GHR: variants seen among roughly 807,000 people sequenced by gnomAD.
GHR encodes GH receptor.
A neutral mutation model predicts 67.1 loss-of-function variants in GHR; 35 were observed. The ratio of observed to expected loss-of-function variants is 0.52; its 90% confidence interval spans 0.40 to 0.69. The LOEUF (loss-of-function observed/expected upper bound fraction) is 0.69. Among genes scored for constraint, GHR ranks in the 30% least tolerant of loss-of-function variants. The pLI is 0.00. For missense variants in GHR, 792 were observed against 764.6 expected (o/e 1.04, Z -0.42); for synonymous variants, 272 against 269.1 (o/e 1.01, Z -0.10).
intron 1 of GHR, among the ~76,000 whole-genome samples, chr5:42,486,279 C>T (rs1745875166): frequency 1.3e-5 from 2 of 152,168 alleles, no homozygotes; most frequent in South Asian, 2.1e-4. Context: ...ACCCTCTCAC[C>T]ACGAGCTTTT....
intron 1 of GHR, among the ~76,000 whole-genome samples, chr5:42,534,208 A>ATG (rs1231403248): frequency 1.1e-4 from 9 of 80,510 alleles, no homozygotes; most frequent in African/African-American, 5.4e-4. Flanking sequence ...GTATATATGT[A>ATG]TATATGTATA....
At chr5:42,427,184 G>C (rs537133269) in intron 1 of GHR, among the ~76,000 whole-genome samples, 1 of 152,286 alleles carries the variant, frequency 6.6e-6, no homozygotes, top group African/African-American at 2.4e-5. Context: ...GCCCTTGATT[G>C]TACATTCTCA....
Position 42,584,645 on chromosome 5 carries a change from ATG to A in GHR, c.70+18705_70+18706del, listed in dbSNP as rs566282266. On this transcript the variant is annotated intron_variant, in intron 2 of 9. Transcript: ENST00000230882. The stretch of plus-strand genomic sequence containing the variant: ...TTGATTGTTAATATCATGGTAAGTG[ATG>A]TGTTATAAATATATTTTTCCTTAAG... 5.6e-4 allele frequency among the ~76,000 whole-genome samples: 85 copies of A among 152,184 alleles called. 1 individual carries two copies. The highest frequency in any genetic ancestry group is 1.9e-3 in the African/African-American group (78 of 41,510).
intron 2 of GHR, among the ~76,000 whole-genome samples, chr5:42,603,729 T>C (rs981158435): frequency 7.2e-5 from 11 of 152,212 alleles, no homozygotes; most frequent in Non-Finnish European, 1.3e-4. Context: ...AAAATGTGTG[T>C]TTAGGGAAGG....
chr5:42,517,991 T>A (rs1747315981), intron 1 of GHR, among the ~76,000 whole-genome samples: 1 of 152,036 alleles, frequency 6.6e-6, no homozygotes, highest in Non-Finnish European at 1.5e-5. Context: ...GGCTCAGTTC[T>A]CTCAGTTCCC....
At chr5:42,577,709 G>A (rs1750833685) in intron 2 of GHR, among the ~76,000 whole-genome samples, 1 of 152,108 alleles carries the variant, frequency 6.6e-6, no homozygotes, top group Non-Finnish European at 1.5e-5. Flanking sequence ...AAAGAGTTCA[G>A]ACAATGAATT....
At chr5:42,670,874 A>ATATATATAT (rs1254302009) in intron 3 of GHR, among the ~76,000 whole-genome samples, 74 of 91,878 alleles carry the variant, frequency 8.1e-4, no homozygotes, top group African/African-American at 2.6e-3. Context: ...TTAAAAAAAA[A>ATATATATAT]AAAAAAATAT....
chr5:42,565,658 G>A (rs762698547), intron 1 of GHR: 76 of 985,052 alleles, frequency 7.7e-5, no homozygotes, highest in South Asian at 1.9e-4. Flanking sequence ...TAGCACTCAC[G>A]GGAAGTAGAA....
At chr5:42,600,916 TTC>T (rs1367352915) in intron 2 of GHR, among the ~76,000 whole-genome samples, 2 of 139,364 alleles carry the variant, frequency 1.4e-5, no homozygotes, top group African/African-American at 5.4e-5. Flanking sequence ...ATTCTTTCTA[TTC>T]TTTTTTTTTT....
In GHR at chr5:42,711,332, T is replaced by C. The variant is rs200734900; in HGVS notation, c.744T>C (p.Tyr248=). 62 of 1,613,256 alleles carry C rather than the reference T, an allele frequency of 3.8e-5. No homozygotes were observed. The highest frequency in any genetic ancestry group is 6.7e-5 in the African/African-American group (5 of 74,930). ...ATGGCGAGTTCAGTGAGGTGCTCTA[T>C]GTAACACTTCCTCAGATGAGCCAAT... The part of the protein sequence containing the change: ...GNYGEFSEVL[Y]VTLPQMSQFT... The change falls in exon 7 of 10, where the codon TAT becomes TAC. Residue 248 remains tyrosine, a synonymous_variant. Transcript: ENST00000230882.
chr5:42,592,248 C>T (rs1331221934), intron 2 of GHR, among the ~76,000 whole-genome samples: 1 of 152,136 alleles, frequency 6.6e-6, no homozygotes, highest in Non-Finnish European at 1.5e-5. Context: ...ATCCTAACAT[C>T]TCCCATGTTT....
At chr5:42,482,293 TG>T (rs1175120837) in intron 1 of GHR, among the ~76,000 whole-genome samples, 1 of 152,084 alleles carries the variant, frequency 6.6e-6, no homozygotes, top group South Asian at 2.1e-4. Flanking sequence ...CCACCCCTGC[TG>T]GGGGGTGCCT....
chr5:42,601,346 G>A (rs1294667112), intron 2 of GHR, among the ~76,000 whole-genome samples: 1 of 151,986 alleles, frequency 6.6e-6, no homozygotes, highest in East Asian at 1.9e-4. Context: ...TGAATAATCA[G>A]ATGTCTTAAA....
intron 1 of GHR, among the ~76,000 whole-genome samples, chr5:42,513,279 T>C (rs780521660): frequency 2.0e-5 from 3 of 152,154 alleles, no homozygotes; most frequent in Non-Finnish European, 4.4e-5. Flanking sequence ...TCTTAAATCA[T>C]CTCCTAGGGC....
chr5:42,527,231 A>G (rs185092065), intron 1 of GHR, among the ~76,000 whole-genome samples: 16 of 152,314 alleles, frequency 1.1e-4, no homozygotes, highest in Admixed American at 1.0e-3. Context: ...TATCAATACT[A>G]ACCCTGAATG....
At chr5:42,453,785 G>A (rs1159069190) in intron 1 of GHR, among the ~76,000 whole-genome samples, 1 of 152,182 alleles carries the variant, frequency 6.6e-6, no homozygotes, top group Non-Finnish European at 1.5e-5. Flanking sequence ...AGCCCCAGCT[G>A]TGTCTGCAGT....
intron 1 of GHR, among the ~76,000 whole-genome samples, chr5:42,454,427 A>G (rs1262855565): frequency 1.3e-5 from 2 of 152,170 alleles, no homozygotes; most frequent in Admixed American, 1.3e-4. Flanking sequence ...TCCAGCCAGG[A>G]GGTGGTGTCT....
intron 1 of GHR, among the ~76,000 whole-genome samples, chr5:42,475,256 G>C (rs1323352470): frequency 6.6e-6 from 1 of 152,090 alleles, no homozygotes; most frequent in East Asian, 1.9e-4. Context: ...AAGAGCACTG[G>C]ATTTATGCTT....
At chr5:42,467,280 T>C (rs1273916251) in intron 1 of GHR, 6 of 1,197,678 alleles carry the variant, frequency 5.0e-6, no homozygotes, top group Non-Finnish European at 7.5e-6. Flanking sequence ...AACTAAAGGT[T>C]TTCCCAAACT....
Sources: gnomAD v4.1 joint callset for allele counts (sites outside exome capture counted in the v4.1 genomes callset) on GRCh38, gnomAD v4.1.1 for gene constraint, MANE v1.5 for transcripts, NCBI Gene and HGNC (gene_info 2026-07-23, HGNC 2026-07-21) for gene names.